Variants in MAN1A2 observed in about 807,000 individuals in gnomAD.
MAN1A2 encodes mannosyl-oligosaccharide 1,2-alpha-mannosidase IB.
Under a neutral mutation model 75.7 loss-of-function variants are expected in MAN1A2, and 26 were observed. The ratio of observed to expected loss-of-function variants is 0.34; its 90% CI spans 0.25 to 0.48. MAN1A2 has a LOEUF of 0.48. MAN1A2 is among the 20% of genes least tolerant of loss of function. The pLI is 0.99. For synonymous variants in MAN1A2, 247 were observed against 264.6 expected (o/e 0.93, Z 0.65); for missense variants, 562 against 775.5 (o/e 0.72, Z 3.27).
chr1:117,508,184 T>G (rs1651429437), intron 12 of MAN1A2, among the ~76,000 whole-genome samples: 1 of 151,742 alleles, frequency 6.6e-6, no homozygotes, highest in South Asian at 2.1e-4. Context: ...TTACCTCAAT[T>G]CTGTTGCACA....
At chr1:117,452,461 A>G (rs1338614647) in intron 6 of MAN1A2, among the ~76,000 whole-genome samples, 3 of 152,250 alleles carry the variant, frequency 2.0e-5, no homozygotes, top group Non-Finnish European at 4.4e-5. Context: ...AAGGAAATTA[A>G]CAGTGCTATG....
intron 4 of MAN1A2, among the ~76,000 whole-genome samples, chr1:117,419,696 C>T (rs2101779028): frequency 6.6e-6 from 1 of 151,952 alleles, no homozygotes; most frequent in Middle Eastern, 3.4e-3. Flanking sequence ...GCTTTTCTTT[C>T]CATGTGTTAG....
At chr1:117,511,031 A>G (rs907564302) in intron 12 of MAN1A2, among the ~76,000 whole-genome samples, 2 of 151,974 alleles carry the variant, frequency 1.3e-5, no homozygotes, top group African/African-American at 4.8e-5. Flanking sequence ...GGTTTAATTG[A>G]CTCACAGTTC....
intron 5 of MAN1A2, among the ~76,000 whole-genome samples, chr1:117,431,756 C>T (rs559557393): frequency 7.4e-4 from 112 of 152,214 alleles, no homozygotes; most frequent in African/African-American, 2.5e-3. Flanking sequence ...TAAGACCAGC[C>T]TCGGCAAACA....
At chr1:117,370,706 A>C (rs1243221122) in intron 1 of MAN1A2, among the ~76,000 whole-genome samples, 2 of 151,064 alleles carry the variant, frequency 1.3e-5, no homozygotes, top group African/African-American at 4.9e-5. Context: ...TACCTAATTT[A>C]GAAGAAACAA....
chr1:117,427,499 T>C (rs145283066), intron 5 of MAN1A2, among the ~76,000 whole-genome samples: 7 of 152,310 alleles, frequency 4.6e-5, no homozygotes, highest in Non-Finnish European at 7.4e-5. Flanking sequence ...CAGAAACTTA[T>C]AGGACAGTAT....
chr1:117,398,355 G>C (rs1213927279), intron 1 of MAN1A2, among the ~76,000 whole-genome samples: 1 of 152,100 alleles, frequency 6.6e-6, no homozygotes, highest in Non-Finnish European at 1.5e-5. Context: ...GCTATTGATG[G>C]GAAAGAAAAT....
At chr1:117,465,906 T>C (rs550988792) in intron 7 of MAN1A2, among the ~76,000 whole-genome samples, 1 of 152,296 alleles carries the variant, frequency 6.6e-6, no homozygotes, top group Non-Finnish European at 1.5e-5. Context: ...TCTGTTCAAT[T>C]CAAATTAATA....
chr1:117,493,190 C>T lies in MAN1A2; in HGVS notation c.1212C>T (p.Tyr404=). ...VGGLGDSFYE[Y]LLKAWLMSDK... The stretch of plus-strand genomic sequence containing the variant: ...GCCTGGGAGACAGTTTTTATGAATA[C>T]TTACTGAAAGCATGGTTGATGTCAG... Residue 404 remains tyrosine, a synonymous_variant, in exon 9 of 13, where the codon TAC becomes TAT. Coordinates refer to ENST00000356554, the MANE Select transcript of MAN1A2 (RefSeq NM_006699.5). 1 of 1,612,230 alleles carries T rather than the reference C, an allele frequency of 6.2e-7. No individual in the cohort carries two copies. Among genetic ancestry groups the T allele is most frequent in the Non-Finnish European group, 8.5e-7 (1 of 1,178,948 alleles).
At chr1:117,452,134 C>T (rs569113418) in intron 6 of MAN1A2, among the ~76,000 whole-genome samples, 1 of 152,060 alleles carries the variant, frequency 6.6e-6, no homozygotes, top group South Asian at 2.1e-4. Context: ...TGATGAAACC[C>T]CATCTTTACT....
chr1:117,370,629 A>G (rs1157958867), intron 1 of MAN1A2, among the ~76,000 whole-genome samples: 4 of 152,198 alleles, frequency 2.6e-5, no homozygotes, highest in African/African-American at 9.7e-5. Context: ...TTTAAAAATA[A>G]TTCAGAAAAA....
At chr1:117,429,026 A>G (rs1018917021) in intron 5 of MAN1A2, among the ~76,000 whole-genome samples, 2 of 146,202 alleles carry the variant, frequency 1.4e-5, no homozygotes, top group Non-Finnish European at 3.0e-5. Flanking sequence ...GCTGCCTTCA[A>G]GCATCTGTTT....
At position 117,367,960 on chromosome 1, in the gene MAN1A2, A is replaced by T. The variant is rs1652824419; in HGVS notation, c.-224A>T. ...ATGAAGTACAGATGTTGAAGAGGAT[A>T]TCGCAGGACCTAAACTTGTGATCGT... On this transcript the variant is annotated 5_prime_UTR_variant, in exon 1 of 13. Coordinates refer to ENST00000356554, the MANE Select transcript of MAN1A2 (RefSeq NM_006699.5). 1.9e-6 allele frequency: 1 copy of T among 536,944 alleles called. No individual in the cohort carries two copies. Among genetic ancestry groups the T allele is most frequent in the Admixed American group, 3.4e-5 (1 of 28,994 alleles). 33.3% of individuals were successfully genotyped at this position (536,944 alleles called of 1,614,324 possible).
At chr1:117,385,610 A>T (rs912144350) in intron 1 of MAN1A2, among the ~76,000 whole-genome samples, 2 of 152,172 alleles carry the variant, frequency 1.3e-5, no homozygotes, top group Non-Finnish European at 2.9e-5. Context: ...GGGTGGGGTG[A>T]TGAGTTAAAG....
At chr1:117,513,146 A>G (rs1347430046) in intron 12 of MAN1A2, among the ~76,000 whole-genome samples, 2 of 152,074 alleles carry the variant, frequency 1.3e-5, no homozygotes, top group Non-Finnish European at 2.9e-5. Context: ...GCTTTCTGTC[A>G]CTATAGGTTG....
intron 12 of MAN1A2, among the ~76,000 whole-genome samples, chr1:117,508,744 T>C (rs1315033720): frequency 2.6e-5 from 4 of 151,668 alleles, no homozygotes; most frequent in Non-Finnish European, 5.9e-5. Flanking sequence ...CAGTATAATA[T>C]TAAGTGGGCT....
chr1:117,457,904 G>C (rs1000429919), intron 6 of MAN1A2, among the ~76,000 whole-genome samples: 4 of 151,974 alleles, frequency 2.6e-5, no homozygotes, highest in Non-Finnish European at 4.4e-5. Flanking sequence ...CTGAACTCTA[G>C]CCAAACTAGC....
intron 5 of MAN1A2, among the ~76,000 whole-genome samples, chr1:117,427,949 G>A (rs1449775712): frequency 6.6e-6 from 1 of 152,142 alleles, no homozygotes; most frequent in Admixed American, 6.5e-5. Context: ...AAGATTGTAA[G>A]GTTTCTCCAT....
At chr1:117,455,087 G>GT (rs1557957703) in intron 6 of MAN1A2, among the ~76,000 whole-genome samples, 1 of 152,142 alleles carries the variant, frequency 6.6e-6, no homozygotes, top group Admixed American at 6.5e-5. Flanking sequence ...TTGGAAAACA[G>GT]TTTGACTGTT....
Sources: allele counts gnomAD v4.1 joint callset (sites outside exome capture counted in the v4.1 genomes callset), GRCh38; gene constraint gnomAD v4.1.1; transcripts MANE v1.5; gene names NCBI Gene and HGNC (gene_info 2026-07-23, HGNC 2026-07-21).